The following ATP5F1B variants were observed in gnomAD, a reference collection of about 807,000 sequenced individuals.
The protein encoded by ATP5F1B is ATP synthase F(1) complex subunit beta, mitochondrial.
A neutral mutation model predicts 45.9 loss-of-function variants in ATP5F1B; 17 were observed. The observed-to-expected ratio is 0.37, with a 90% CI of 0.25 to 0.56. The LOEUF (loss-of-function observed/expected upper bound fraction) is 0.56, where lower values mean the gene tolerates loss of function less well. ATP5F1B is among the 20% of genes least tolerant of loss of function. ATP5F1B has a pLI of 0.80. For missense variants in ATP5F1B, 387 were observed against 673.2 expected, an observed-to-expected ratio of 0.57 and a Z score of 4.70; for synonymous variants, 218 against 256.5, an observed-to-expected ratio of 0.85 and a Z score of 1.43.
At chr12:56,638,998 TA>T in intron 9 of ATP5F1B, 107 bp downstream of exon 9, 2 of 1,109,452 alleles carry the variant, frequency 1.8e-6, no homozygotes, top group Non-Finnish European at 2.6e-6. Context: ...GTTTGTTTTT[TA>T]AATTAAAAAA....
intron 7 of ATP5F1B, among the ~76,000 whole-genome samples, chr12:56,641,447 A>T (rs1951511337): frequency 6.6e-6 from 1 of 152,054 alleles, no homozygotes; most frequent in South Asian, 2.1e-4. Context: ...AAAAGTTCCT[A>T]CAGTTTAGCC....
rs1215334591 is a variant in ATP5F1B, at chr12:56,643,822, C to A, written c.607+15G>T. ...CATATTAGGTTTGGAAAATATGTAC[C>A]CCTTAATAACATACCAATTTTGCCA... On this transcript the variant is annotated intron_variant, in intron 4 of 9. Coordinates refer to ENST00000262030, the MANE Select transcript of ATP5F1B (RefSeq NM_001686.4). The A allele has an allele frequency of 6.2e-7, 1 of 1,613,910 alleles. No individual in the cohort carries two copies. Among genetic ancestry groups the A allele is most frequent in the Non-Finnish European group, 8.5e-7 (1 of 1,179,956 alleles).
chr12:56,638,924 G>A (rs1017647533), intron 9 of ATP5F1B, among the ~76,000 whole-genome samples, 182 bp downstream of exon 9: 1 of 152,154 alleles, frequency 6.6e-6, no homozygotes, highest in Non-Finnish European at 1.5e-5. Context: ...GGGAGCTAGA[G>A]AATCAAGTAA....
At chr12:56,641,255 C>T (rs1404412724) in intron 7 of ATP5F1B, among the ~76,000 whole-genome samples, 1 of 150,860 alleles carries the variant, frequency 6.6e-6, no homozygotes, top group Non-Finnish European at 1.5e-5. Context: ...ATCCCAGCTA[C>T]TCAGGAGGCT....
At chr12:56,644,052 C>T (rs1280395201) in intron 3 of ATP5F1B, 94 bp from the exon 4 acceptor site, 69 of 1,438,510 alleles carry the variant, frequency 4.8e-5, no homozygotes, top group Non-Finnish European at 6.0e-5. Flanking sequence ...CAAGTCCATC[C>T]CTTTACCTGA....
In ATP5F1B at chr12:56,645,892, C is replaced by T. The variant is rs772954458; in HGVS notation, c.72G>A (p.Ala24=). The T allele has an allele frequency of 6.8e-6, 11 of 1,608,150 alleles. No individual in the cohort carries two copies. Among genetic ancestry groups the T allele is most frequent in the East Asian group, 2.2e-5 (1 of 44,656 alleles). Residue 24 remains alanine (A), a synonymous_variant, in exon 1 of 10, where the codon GCG becomes GCA. Transcript: ENST00000262030. ...GTAAGAGCTGAGCTGGGGGCAGCGA[C>T]GCTGAAGGGGTGAGTCTCCGCAAGG... is the stretch of plus-strand genomic sequence containing the variant. ...SGALRRLTPS[A]SLPPAQLLLR... is the part of the protein sequence containing the mutation.
Position 56,639,985 on chromosome 12 carries a change from G to C in ATP5F1B, c.1282C>G (p.Leu428Val). Residue 428 changes from leucine (L) to valine (V), a missense_variant, in exon 8 of 10, where the codon CTG (leucine) becomes GTG (valine). By Grantham distance (32) the Leu-to-Val change is conservative (BLOSUM62 1). Coordinates refer to ENST00000262030, the MANE Select transcript of ATP5F1B (RefSeq NM_001686.4). ...CCACATAGTAATATACTCACCTGCA[G>C]GATCTTTTGCACCCCACGGGCAACA... is the stretch of plus-strand genomic sequence containing the variant. ...YDVARGVQKILQDYKSLQDII... is the reference protein window; with the variant it reads ...YDVARGVQKIVQDYKSLQDII... The C allele has an allele frequency of 6.2e-7, 1 of 1,613,900 alleles. No individual in the cohort carries two copies.
At chr12:56,642,602 G>A in intron 6 of ATP5F1B, 22 bp from the exon 7 acceptor site, 1 of 1,614,058 alleles carries the variant, frequency 6.2e-7, no homozygotes, top group South Asian at 1.1e-5. Flanking sequence ...AAAGGTCTTA[G>A]GTGTCTACAT....
chr12:56,643,336 A>G, intron 5 of ATP5F1B, 67 bp downstream of exon 5: 1 of 1,375,074 alleles, frequency 7.3e-7, no homozygotes, highest in Non-Finnish European at 9.9e-7. Flanking sequence ...AATATAGAAC[A>G]TGGCTTCAGT....
intron 7 of ATP5F1B, among the ~76,000 whole-genome samples, chr12:56,641,324 T>A (rs572186380): frequency 6.7e-6 from 1 of 149,328 alleles, no homozygotes; most frequent in Admixed American, 6.7e-5. Flanking sequence ...ATCGCACCCA[T>A]TGCACTCCAG....
chr12:56,645,708 G>C (rs1951544767), intron 1 of ATP5F1B, 129 bp downstream of exon 1: 1 of 1,485,706 alleles, frequency 6.7e-7, no homozygotes, highest in Non-Finnish European at 9.2e-7. Context: ...CCAGCCATTA[G>C]AGAGCAAGAC....
chr12:56,643,998 T>C (rs1230638994), intron 3 of ATP5F1B, 40 bp from the exon 4 acceptor site: 2 of 1,602,228 alleles, frequency 1.2e-6, no homozygotes, highest in South Asian at 2.2e-5. Flanking sequence ...ATTCACCTTG[T>C]TGAAAGCAAA....
At chr12:56,638,765 G>A (rs1241933532) in intron 9 of ATP5F1B, among the ~76,000 whole-genome samples, 7 of 152,114 alleles carry the variant, frequency 4.6e-5, no homozygotes, top group East Asian at 1.9e-4. Flanking sequence ...GCGTGGTGGC[G>A]TGTGCCTGTA....
chr12:56,645,490 G>A, intron 1 of ATP5F1B, 137 bp from the exon 2 acceptor site: 1 of 1,057,522 alleles, frequency 9.5e-7, no homozygotes, highest in Non-Finnish European at 1.3e-6. Flanking sequence ...GCGTGTCCAA[G>A]AGGGAAGGCC....
chr12:56,643,859 G>C lies in ATP5F1B; in HGVS notation c.585C>G (p.Pro195=), dbSNP rs1592645519. Residue 195 remains proline (P), a synonymous_variant, in exon 4 of 10, where the codon CCC becomes CCG. Transcript: ENST00000262030. ...TGIKVVDLLA[P]YAKGGKIGLF... ...TACCAATTTTGCCACCCTTGGCATAGGGAGCTAGCAGATCGACAACCTTGA... is the reference window on the plus strand; with the variant it reads ...TACCAATTTTGCCACCCTTGGCATACGGAGCTAGCAGATCGACAACCTTGA... The C allele has an allele frequency of 6.2e-7, 1 of 1,614,162 alleles. No individual in the cohort carries two copies. Among genetic ancestry groups the C allele is most frequent in the South Asian group, 1.1e-5 (1 of 91,084 alleles).
At chr12:56,638,714 G>T (rs1387607781) in intron 9 of ATP5F1B, among the ~76,000 whole-genome samples, 2 of 152,166 alleles carry the variant, frequency 1.3e-5, no homozygotes, top group Admixed American at 6.5e-5. Context: ...CAGCCAACAT[G>T]GTGAAACCCC....
In ATP5F1B at chr12:56,639,327, T is replaced by C. The variant is rs1469723568; in HGVS notation, c.1288-20A>G. The C allele has an allele frequency of 2.5e-6, 4 of 1,604,186 alleles. No individual in the cohort carries two copies. Among genetic ancestry groups the C allele is most frequent in the Non-Finnish European group, 3.4e-6 (4 of 1,172,532 alleles). ...GTAGTCCTATGAGAAAAAAGAAGAC[T>C]GAGTTAAGTATTCTCATTCCTTTAA... On this transcript the variant is annotated intron_variant, in intron 8 of 9. Transcript: ENST00000262030.
intron 5 of ATP5F1B, 160 bp downstream of exon 5, chr12:56,643,243 C>G (rs1049401315): frequency 6.9e-6 from 4 of 583,686 alleles, no homozygotes; most frequent in African/African-American, 5.7e-5. Context: ...GGGGAAAACA[C>G]TAACAGGTTT....
intron 8 of ATP5F1B, 55 bp from the exon 9 acceptor site, chr12:56,639,362 G>C: frequency 6.5e-7 from 1 of 1,544,092 alleles, no homozygotes; most frequent in Non-Finnish European, 8.9e-7. Context: ...ATTTGGACAA[G>C]CTAACAAAGG....
Sources: gnomAD v4.1 joint callset for allele counts (sites outside exome capture counted in the v4.1 genomes callset) on GRCh38, gnomAD v4.1.1 for gene constraint, MANE v1.5 for transcripts, NCBI Gene and HGNC (gene_info 2026-07-23, HGNC 2026-07-21) for gene names.